The following FGF22 variants were observed in gnomAD, a reference collection of about 807,000 sequenced individuals.
FGF22 encodes FGF-22.
Under a neutral mutation model 10.3 loss-of-function variants are expected in FGF22, and 11 were observed. The observed-to-expected ratio is 1.07, with a 90% CI of 0.67 to 1.77. The LOEUF is 1.77. Among genes scored for constraint, FGF22 ranks in the 40% most tolerant of loss-of-function variants. FGF22 has a pLI of 0.00. For synonymous variants in FGF22, 136 were observed against 122.1 expected (o/e 1.11, Z -0.75); for missense variants, 317 against 273.2 (o/e 1.16, Z -1.13).
At chr19:640,524 G>T in intron 1 of FGF22, 1 of 175,838 alleles carries the variant, frequency 5.7e-6, no homozygotes, top group East Asian at 1.5e-4. Context: ...TGCCTGAGTC[G>T]GGGCCCCCTC....
At chr19:643,766 G>A in exon 3 of FGF22, 1 of 642,334 alleles carries the variant, frequency 1.6e-6, no homozygotes, top group South Asian at 2.0e-5. Flanking sequence ...CCAGCCTGAG[G>A]GGGTGGTGGC....
exon 3 of FGF22, chr19:643,716 G>A (rs894974220): frequency 7.2e-5 from 68 of 949,240 alleles, no homozygotes; most frequent in Non-Finnish European, 9.8e-5. Flanking sequence ...CACCGTGTGC[G>A]GGCGCTGTGG....
chr19:641,172 C>T (rs1360853022), intron 1 of FGF22: 2 of 456,410 alleles, frequency 4.4e-6, no homozygotes, highest in Non-Finnish European at 8.8e-6. Context: ...GGGTGCTGTG[C>T]TCCGCATGGG....
At chr19:641,985 C>T (rs1182177279) in intron 1 of FGF22, among the ~76,000 whole-genome samples, 1 of 152,166 alleles carries the variant, frequency 6.6e-6, no homozygotes, top group African/African-American at 2.4e-5. Context: ...CAGACGATGG[C>T]GTCCAAATCT....
chr19:643,680 T>A, exon 3 of FGF22: 1 of 1,256,098 alleles, frequency 8.0e-7, no homozygotes, highest in Non-Finnish European at 1.1e-6. Flanking sequence ...TTCTTCCCCC[T>A]GCGGGCTCTG....
intron 1 of FGF22, among the ~76,000 whole-genome samples, chr19:641,836 T>C (rs1985912688): frequency 1.3e-5 from 2 of 152,018 alleles, no homozygotes; most frequent in Admixed American, 6.6e-5. Flanking sequence ...CGCAGGGAAC[T>C]GTACACCCAG....
At chr19:639,889 G>A in exon 1 of FGF22, 2 of 1,183,062 alleles carry the variant, frequency 1.7e-6, no homozygotes, top group Non-Finnish European at 2.1e-6. Context: ...GCGGACGCCC[G>A]GGAGCGACGA....
exon 3 of FGF22, chr19:643,421 C>A: frequency 6.2e-7 from 1 of 1,611,196 alleles, no homozygotes; most frequent in African/African-American, 1.3e-5. Flanking sequence ...GACTCTACAC[C>A]GTGGACTGCA....
At chr19:640,116 C>G in exon 1 of FGF22, 2 of 1,373,322 alleles carry the variant, frequency 1.5e-6, no homozygotes, top group Non-Finnish European at 1.9e-6. Flanking sequence ...GTGCAGGGCA[C>G]CCGCTGGCGC....
chr19:641,346 G>A, intron 1 of FGF22: 5 of 444,902 alleles, frequency 1.1e-5, no homozygotes, highest in Non-Finnish European at 2.3e-5. Context: ...GGAGGCCGAG[G>A]CGGGCAGATC....
intron 1 of FGF22, among the ~76,000 whole-genome samples, chr19:642,087 A>G (rs1985919918): frequency 6.6e-6 from 1 of 152,178 alleles, no homozygotes; most frequent in Non-Finnish European, 1.5e-5. Context: ...TCGGCGCTCA[A>G]GCATGTCTGT....
exon 3 of FGF22, chr19:643,951 GA>G (rs1337134719): frequency 4.0e-6 from 1 of 249,400 alleles, no homozygotes; most frequent in African/African-American, 2.3e-5. Context: ...GAGGGGAGGG[GA>G]GGGGGCCGGG....
intron 1 of FGF22, among the ~76,000 whole-genome samples, chr19:642,859 C>T (rs1236710297): frequency 6.6e-6 from 1 of 151,876 alleles, no homozygotes; most frequent in Non-Finnish European, 1.5e-5. Context: ...GACGTCCGTC[C>T]CTCTGGGTGT....
chr19:640,256 C>A (rs1167571039), intron 1 of FGF22, 117 bp downstream of exon 1: 4 of 637,182 alleles, frequency 6.3e-6, no homozygotes, highest in Middle Eastern at 4.9e-4. Flanking sequence ...TCTGTGCAGC[C>A]TCGGCCTCAG....
At chr19:640,909 C>T (rs924434864) in intron 1 of FGF22, 7 of 305,550 alleles carry the variant, frequency 2.3e-5, no homozygotes, top group Middle Eastern at 1.2e-3. Context: ...TTCATCTGGG[C>T]GCCAAGGCCC....
intron 1 of FGF22, among the ~76,000 whole-genome samples, chr19:642,078 C>T (rs969518673): frequency 5.3e-5 from 8 of 152,206 alleles, no homozygotes; most frequent in Non-Finnish European, 1.2e-4. Flanking sequence ...GGCATACAGT[C>T]GGCGCTCAAG....
exon 1 of FGF22, chr19:639,950 C>G: frequency 8.0e-7 from 1 of 1,245,178 alleles, no homozygotes; most frequent in Non-Finnish European, 1.0e-6. Flanking sequence ...GTGGCTGGGC[C>G]TGGCCTGGCT....
At chr19:643,531 G>A (rs780503701) in exon 3 of FGF22, 2 of 1,604,396 alleles carry the variant, frequency 1.2e-6, no homozygotes, top group African/African-American at 2.7e-5. Context: ...GACAGGAGGG[G>A]GGGGCCCCGG....
At chr19:643,622 G>A (rs1355094097) in exon 3 of FGF22, 11 of 1,493,944 alleles carry the variant, frequency 7.4e-6, no homozygotes, top group East Asian at 4.9e-5. Context: ...AGAGGCCGGC[G>A]GCTCCCCAAG....
Sources: allele counts gnomAD v4.1 joint callset (sites outside exome capture counted in the v4.1 genomes callset), GRCh38; gene constraint gnomAD v4.1.1; transcripts MANE v1.5; gene names NCBI Gene and HGNC (gene_info 2026-07-23, HGNC 2026-07-21).